The following NCKAP5 variants were observed in gnomAD, a reference collection of about 807,000 sequenced individuals.
The protein encoded by NCKAP5 is nck-associated protein 5.
A neutral mutation model predicts 167.0 loss-of-function variants in NCKAP5; 92 were observed. The observed-to-expected ratio is 0.55, with a 90% confidence interval of 0.47 to 0.66. The LOEUF (loss-of-function observed/expected upper bound fraction) is 0.66. NCKAP5 is among the 30% of genes least tolerant of loss of function. The pLI is 0.00. For synonymous variants in NCKAP5, 891 were observed against 877.4 expected (o/e 1.02, Z -0.27); for missense variants, 2,378 against 2,315.0 (o/e 1.03, Z -0.56).
At chr2:132,748,548 A>G (rs995188257) in intron 16 of NCKAP5, among the ~76,000 whole-genome samples, 3 of 152,208 alleles carry the variant, frequency 2.0e-5, no homozygotes, top group Non-Finnish European at 4.4e-5. Context: ...TCTTAGGGAC[A>G]TGAGCACATA....
intron 19 of NCKAP5, among the ~76,000 whole-genome samples, chr2:132,720,349 T>C (rs1256692975): frequency 1.3e-5 from 2 of 152,234 alleles, no homozygotes; most frequent in African/African-American, 4.8e-5. Context: ...CTAGACTTTC[T>C]AAACATTTTT....
intron 8 of NCKAP5, chr2:132,930,356 T>C (rs1475344219): frequency 6.6e-6 from 1 of 152,142 alleles, no homozygotes; most frequent in Non-Finnish European, 1.5e-5. Context: ...TGGGAGGGTA[T>C]CTATGAAGGT....
chr2:132,997,436 T>C (rs987990882), intron 6 of NCKAP5, among the ~76,000 whole-genome samples: 2 of 152,202 alleles, frequency 1.3e-5, no homozygotes, highest in African/African-American at 4.8e-5. Context: ...TAATAATAAC[T>C]CAATCTAATA....
At chr2:133,185,989 A>G (rs1296058501) in intron 5 of NCKAP5, among the ~76,000 whole-genome samples, 1 of 152,054 alleles carries the variant, frequency 6.6e-6, no homozygotes, top group African/African-American at 2.4e-5. Context: ...TAGGACTTCC[A>G]GTCCTATATT....
intron 6 of NCKAP5, among the ~76,000 whole-genome samples, chr2:133,001,736 A>G (rs376282507): frequency 2.0e-5 from 3 of 152,282 alleles, no homozygotes; most frequent in East Asian, 3.9e-4. Flanking sequence ...TACTGTTATC[A>G]CGTGGTAACA....
At chr2:133,163,359 G>T (rs1262810260) in intron 5 of NCKAP5, among the ~76,000 whole-genome samples, 1 of 152,178 alleles carries the variant, frequency 6.6e-6, no homozygotes, top group African/African-American at 2.4e-5. Context: ...TCAAATCTCT[G>T]TTGATGTCAT....
chr2:132,892,547 A>T (rs1333282828), intron 8 of NCKAP5, among the ~76,000 whole-genome samples: 1 of 152,228 alleles, frequency 6.6e-6, no homozygotes, highest in Non-Finnish European at 1.5e-5. Flanking sequence ...TAAAAAATGT[A>T]AAACAATCTG....
intron 11 of NCKAP5, among the ~76,000 whole-genome samples, chr2:132,807,253 T>C (rs940868128): frequency 3.3e-5 from 5 of 152,176 alleles, no homozygotes; most frequent in African/African-American, 7.2e-5. Context: ...CTTTTATGGT[T>C]CCATATGAAT....
intron 8 of NCKAP5, among the ~76,000 whole-genome samples, chr2:132,895,126 T>C (rs907882116): frequency 6.6e-6 from 1 of 151,846 alleles, no homozygotes; most frequent in Non-Finnish European, 1.5e-5. Context: ...GGTCAGGAGA[T>C]GGAGACCTTC....
chr2:133,668,907 G>A, the NCKAP5 span, among the ~76,000 whole-genome samples: 3 of 152,008 alleles, frequency 2.0e-5, no homozygotes, highest in Admixed American at 6.6e-5. Flanking sequence ...AATGTCCCAG[G>A]GAAAAGCATC....
Position 132,755,816 on chromosome 2 carries a change from G to C in NCKAP5, c.5128+18000C>G, listed in dbSNP as rs58153344. On this transcript the variant is annotated intron_variant, in intron 16 of 19. Coordinates refer to ENST00000409261, the MANE Select transcript of NCKAP5 (RefSeq NM_207363.3). Reference sequence around the variant, plus strand: ...GCTACACTCCAGCCTGGGTGACAGAGCGAGATTCTGTCTCAGAAAAAAAAA... The same window carrying C: ...GCTACACTCCAGCCTGGGTGACAGACCGAGATTCTGTCTCAGAAAAAAAAA... Among the ~76,000 whole-genome samples, 18 of 144,994 alleles carry C rather than the reference G, an allele frequency of 1.2e-4. No individual in the cohort carries two copies. The South Asian group carries it at 3.7e-3, about 30-fold the overall frequency.
intron 19 of NCKAP5, among the ~76,000 whole-genome samples, chr2:132,692,155 T>TTTTAC (rs1686817408): frequency 6.9e-6 from 1 of 144,866 alleles, no homozygotes; most frequent in East Asian, 1.9e-4. Flanking sequence ...TTTTATTTTA[T>TTTTAC]TTTTTGAGAC....
intron 3 of NCKAP5, among the ~76,000 whole-genome samples, chr2:133,349,553 T>C (rs185649878): frequency 6.6e-6 from 1 of 152,226 alleles, no homozygotes; most frequent in South Asian, 2.1e-4. Flanking sequence ...TTTTAAAACA[T>C]CTTCTCCTTC....
At chr2:133,470,297 G>T (rs1219580629) in intron 3 of NCKAP5, among the ~76,000 whole-genome samples, 1 of 151,936 alleles carries the variant, frequency 6.6e-6, no homozygotes, top group Non-Finnish European at 1.5e-5. Context: ...GCCCCTGCTG[G>T]GGGGTGCCTC....
chr2:133,421,509 A>G (rs535369859), intron 3 of NCKAP5, among the ~76,000 whole-genome samples: 1 of 152,356 alleles, frequency 6.6e-6, no homozygotes, highest in South Asian at 2.1e-4. Context: ...GAGAGATTCA[A>G]ATAGAATTCA....
At chr2:132,900,563 C>T (rs1294726423) in intron 8 of NCKAP5, among the ~76,000 whole-genome samples, 3 of 152,146 alleles carry the variant, frequency 2.0e-5, no homozygotes, top group Non-Finnish European at 4.4e-5. Flanking sequence ...GCACTTTCAA[C>T]TTCATGAATA....
At chr2:133,475,608 A>G (rs558037686) in intron 3 of NCKAP5, among the ~76,000 whole-genome samples, 7 of 152,354 alleles carry the variant, frequency 4.6e-5, no homozygotes, top group African/African-American at 9.6e-5. Context: ...ATCTTATTCC[A>G]TACATCTTAA....
chr2:133,100,629 A>G (rs1192725795), intron 6 of NCKAP5, among the ~76,000 whole-genome samples: 1 of 152,206 alleles, frequency 6.6e-6, no homozygotes, highest in Admixed American at 6.5e-5. Flanking sequence ...CTTTTTGGTT[A>G]TAACAAACTT....
chr2:132,786,895 C>T (rs975714563), intron 13 of NCKAP5, among the ~76,000 whole-genome samples: 2 of 152,132 alleles, frequency 1.3e-5, no homozygotes, highest in African/African-American at 4.8e-5. Flanking sequence ...CAGTCTGGCC[C>T]CAGAGCTTGC....
Sources: allele counts gnomAD v4.1 joint callset (sites outside exome capture counted in the v4.1 genomes callset), GRCh38; gene constraint gnomAD v4.1.1; transcripts MANE v1.5; gene names NCBI Gene and HGNC (gene_info 2026-07-23, HGNC 2026-07-21).